The following BHMT variants were observed in gnomAD, a reference collection of about 807,000 sequenced individuals.
The protein encoded by BHMT is betaine--homocysteine S-methyltransferase 1.
In BHMT, 38 loss-of-function variants were observed where a neutral mutation model predicts 49.5. The observed-to-expected ratio is 0.77, with a 90% CI of 0.59 to 1.01. The LOEUF is 1.01. Among genes scored for constraint, BHMT ranks in the 50% least tolerant of loss-of-function variants. The pLI is 0.00. For missense variants in BHMT, 426 were observed against 495.7 expected (o/e 0.86, Z 1.34); for synonymous variants, 166 against 176.3 (o/e 0.94, Z 0.46).
intron 1 of BHMT, among the ~76,000 whole-genome samples, chr5:79,112,284 T>C (rs186779201): frequency 2.6e-4 from 40 of 152,292 alleles, no homozygotes; most frequent in Non-Finnish European, 4.6e-4. Flanking sequence ...ACTCCGAGCC[T>C]TCCAATATCT....
chr5:79,128,846 T>C (rs1249908572), intron 7 of BHMT, among the ~76,000 whole-genome samples: 3 of 152,032 alleles, frequency 2.0e-5, no homozygotes, highest in Admixed American at 2.0e-4. Flanking sequence ...AGTAGGAATA[T>C]AGAAATGAGA....
chr5:79,120,593 C>T (rs567754), intron 4 of BHMT, 52 bp downstream of exon 4: 509,683 of 1,506,308 alleles, frequency 0.34, 90,396 homozygotes, highest in South Asian at 0.43. Flanking sequence ...TACATTTTCT[C>T]TACCTTTTGC....
chr5:79,119,241 C>T lies in BHMT; in HGVS notation c.167-18C>T. On this transcript the variant is annotated intron_variant, in intron 2 of 7. Coordinates refer to ENST00000274353, the MANE Select transcript of BHMT (RefSeq NM_001713.3). The stretch of plus-strand genomic sequence containing the variant: ...GTTAATAAACAGAAATTATACCTTT[C>T]CTCATTCACTCTCCCAGTTCGCCAG... 1.3e-6 allele frequency: 2 copies of T among 1,563,926 alleles called. No individual in the cohort carries two copies. Among genetic ancestry groups the T allele is most frequent in the South Asian group, 2.3e-5 (2 of 86,074 alleles).
chr5:79,129,475 G>A (rs893178803), intron 7 of BHMT, among the ~76,000 whole-genome samples: 2 of 152,202 alleles, frequency 1.3e-5, no homozygotes, highest in African/African-American at 4.8e-5. Context: ...ACAGAATTTG[G>A]TGAAAGACAC....
At chr5:79,129,109 C>T (rs549571202) in intron 7 of BHMT, among the ~76,000 whole-genome samples, 1 of 152,280 alleles carries the variant, frequency 6.6e-6, no homozygotes, top group Admixed American at 6.5e-5. Flanking sequence ...GTAGCAGTTC[C>T]ACTCTGTTCA....
intron 7 of BHMT, among the ~76,000 whole-genome samples, chr5:79,128,802 TA>T (rs995522226): frequency 2.0e-5 from 3 of 150,898 alleles, no homozygotes; most frequent in African/African-American, 2.4e-5. Flanking sequence ...AATACACTAG[TA>T]AAAAAAAATG....
At chr5:79,124,653 A>G (rs1165348422) in intron 5 of BHMT, among the ~76,000 whole-genome samples, 1 of 152,260 alleles carries the variant, frequency 6.6e-6, no homozygotes, top group African/African-American at 2.4e-5. Context: ...ATGACTATAA[A>G]GAAAGTTTTT....
At chr5:79,125,772 A>C (rs79447662) in intron 5 of BHMT, among the ~76,000 whole-genome samples, 4,994 of 152,060 alleles carry the variant, frequency 0.033, 106 homozygotes, top group South Asian at 0.073. Context: ...TATCTATAAA[A>C]AAACAAACAA....
Position 79,131,460 on chromosome 5 carries a change from C to G in BHMT, c.*344C>G, listed in dbSNP as rs1756642342. On this transcript the variant is annotated 3_prime_UTR_variant, in exon 8 of 8. Transcript: ENST00000274353. ...GCTAGCAAAGAGGATGAGACATGAA[C>G]TGTCATAAAGGACTCAGCAACCAGC... 1 of 185,932 alleles carries G rather than the reference C, an allele frequency of 5.4e-6. No homozygotes were observed. Among genetic ancestry groups the G allele is most frequent in the Non-Finnish European group, 1.1e-5 (1 of 90,142 alleles). The allele number at this position is 185,932 out of a possible 1,614,324, so 11.5% of individuals were successfully genotyped here.
chr5:79,117,384 C>A (rs1187891565), intron 2 of BHMT, among the ~76,000 whole-genome samples: 1 of 152,022 alleles, frequency 6.6e-6, no homozygotes, highest in Non-Finnish European at 1.5e-5. Context: ...CTGGGTTTAT[C>A]TGATTGATAT....
intron 5 of BHMT, 108 bp from the exon 6 acceptor site, chr5:79,125,938 G>A: frequency 8.7e-7 from 1 of 1,155,202 alleles, no homozygotes. Flanking sequence ...GTGAGATTGT[G>A]TCTCAAAAAA....
intron 1 of BHMT, among the ~76,000 whole-genome samples, chr5:79,113,012 G>A (rs1436468140): frequency 6.6e-6 from 1 of 152,210 alleles, no homozygotes; most frequent in Non-Finnish European, 1.5e-5. Flanking sequence ...CAGTGAGAAA[G>A]GTCCAGCTCT....
intron 1 of BHMT, among the ~76,000 whole-genome samples, chr5:79,114,295 A>T (rs1305471638): frequency 6.6e-6 from 1 of 152,148 alleles, no homozygotes; most frequent in Non-Finnish European, 1.5e-5. Context: ...ACAAGGCTTC[A>T]ACACTATGGC....
chr5:79,119,266 G>A lies in BHMT; in HGVS notation c.174G>A (p.Gln58=). The A allele has an allele frequency of 5.0e-6, 8 of 1,604,638 alleles. No individual in the cohort carries two copies. The highest frequency in any genetic ancestry group is 6.8e-6 in the Non-Finnish European group (8 of 1,177,494). ...CCTCATTCACTCTCCCAGTTCGCCAGCTTCATCGAGAGTTCCTCAGAGCTG... is the reference window on the plus strand; with the variant it reads ...CCTCATTCACTCTCCCAGTTCGCCAACTTCATCGAGAGTTCCTCAGAGCTG... ...AAVEHPEAVR[Q]LHREFLRAGS... The change falls in exon 3 of 8, where the codon CAG becomes CAA. Residue 58 remains glutamine (Q), a synonymous_variant. Transcript: ENST00000274353.
intron 7 of BHMT, 48 bp downstream of exon 7, chr5:79,128,031 T>G: frequency 6.4e-7 from 1 of 1,553,524 alleles, no homozygotes; most frequent in Non-Finnish European, 8.7e-7. Context: ...ATGAATATGT[T>G]CAAGTGAGGC....
chr5:79,116,544 C>T (rs566335993), intron 2 of BHMT: 3 of 152,312 alleles, frequency 2.0e-5, no homozygotes, highest in East Asian at 1.9e-4. Flanking sequence ...TTATCAATAC[C>T]TTCATGTTGG....
chr5:79,131,359 G>T lies in BHMT; in HGVS notation c.*243G>T, dbSNP rs991860800. The stretch of plus-strand genomic sequence containing the variant: ...AACAGGTTCACTAAGCACCCACCCT[G>T]TGAAAAGTATTATGGAAATCACTGC... On this transcript the variant is annotated 3_prime_UTR_variant, in exon 8 of 8. Transcript: ENST00000274353. The T allele has an allele frequency of 7.6e-6, 3 of 396,900 alleles. No homozygotes were observed. The highest frequency in any genetic ancestry group is 1.4e-5 in the Non-Finnish European group (3 of 222,174). 24.6% of individuals were successfully genotyped at this position (396,900 alleles called of 1,614,324 possible).
At position 79,121,313 on chromosome 5, in the gene BHMT, A is replaced by G. The variant is rs1321306046; in HGVS notation, c.573A>G (p.Gly191=). The change falls in exon 5 of 8, where the codon GGA becomes GGG. Residue 191 remains glycine, a synonymous_variant. Transcript: ENST00000274353. ...VAATMCIGPE[G]DLHGVPPGEC... ...CAACCATGTGCATTGGCCCAGAAGG[A>G]GATTTGCATGGCGTGCCCCCCGGCG... 2 of 1,614,058 alleles carry G rather than the reference A, an allele frequency of 1.2e-6. No individual in the cohort carries two copies. The highest frequency in any genetic ancestry group is 2.7e-5 in the African/African-American group (2 of 74,948).
chr5:79,115,821 G>T lies in BHMT; in HGVS notation c.88G>T (p.Val30Phe), dbSNP rs765599787. The T allele has an allele frequency of 1.1e-5, 18 of 1,614,102 alleles. No homozygotes were observed. The highest frequency in any genetic ancestry group is 1.4e-5 in the Non-Finnish European group (16 of 1,179,974). The change falls in exon 2 of 8, where the codon GTC (valine) becomes TTC (phenylalanine). Residue 30 changes from valine (V) to phenylalanine (F), a missense_variant. By Grantham distance (50) the Val-to-Phe change is conservative (BLOSUM62 -1). This residue lies in a region of BHMT where 321 missense variants were observed against 355.9 expected (regional missense o/e 0.90). Transcript: ENST00000274353. ...GEIVIGDGGF[V>F]FALEKRGYVK... ...GATTGTGATTGGAGATGGAGGGTTTGTCTTTGCACTGGAGAAGAGGGGCTA... is the reference window on the plus strand; with the variant it reads ...GATTGTGATTGGAGATGGAGGGTTTTTCTTTGCACTGGAGAAGAGGGGCTA...
Sources: allele counts gnomAD v4.1 joint callset (sites outside exome capture counted in the v4.1 genomes callset), GRCh38; gene constraint gnomAD v4.1.1; regional missense constraint gnomAD v4.1.1; transcripts MANE v1.5; gene names NCBI Gene and HGNC (gene_info 2026-07-23, HGNC 2026-07-21).